Variants in PARD3B observed in about 807,000 individuals in gnomAD.
PARD3B encodes partitioning defective 3 homolog B.
PARD3B carries 103 observed loss-of-function variants against 130.2 expected under a neutral mutation model. The ratio of observed to expected loss-of-function variants is 0.79; its 90% CI spans 0.67 to 0.93. PARD3B has a LOEUF of 0.93. Among genes scored for constraint, PARD3B ranks in the 40% least tolerant of loss-of-function variants. The probability of loss-of-function intolerance (pLI) is 0.00; values close to 1 mark genes in which losing one functional copy is unlikely to be tolerated. For missense variants in PARD3B, 1,609 were observed against 1,499.2 expected (o/e 1.07, Z -1.21); for synonymous variants, 583 against 553.2 (o/e 1.05, Z -0.76).
chr2:204,782,096 C>T (rs2041852914), intron 2 of PARD3B, among the ~76,000 whole-genome samples: 1 of 152,022 alleles, frequency 6.6e-6, no homozygotes, highest in Non-Finnish European at 1.5e-5. Context: ...GAGCTGAGAG[C>T]GTGTTAGGCT....
At chr2:204,766,991 A>ATTTTTTTTTTTTATTT (rs141505640) in intron 2 of PARD3B, among the ~76,000 whole-genome samples, 2 of 98,676 alleles carry the variant, frequency 2.0e-5, no homozygotes, top group Non-Finnish European at 4.1e-5. Context: ...CACATTTTTT[A>ATTTTTTTTTTTTATTT]TTTTATTTTT....
At position 204,887,060 on chromosome 2, in the gene PARD3B, T is replaced by C. The variant is rs2046293326; in HGVS notation, c.223-78092T>C. Among the ~76,000 whole-genome samples, 1 of 152,250 alleles carries C rather than the reference T, an allele frequency of 6.6e-6. No homozygotes were observed. The highest frequency in any genetic ancestry group is 1.5e-5 in the Non-Finnish European group (1 of 68,036). On this transcript the variant is annotated intron_variant, in intron 2 of 22. Transcript: ENST00000406610. The surrounding 1 kb of genome is among the most constrained non-coding windows in gnomAD (Gnocchi z 4.2). Reference sequence around the variant, plus strand: ...GAGGCATTTTTTTAAATCAGTTTTTTTTAATCAGCTTTTAGTTCCATCTGT... The same window carrying C: ...GAGGCATTTTTTTAAATCAGTTTTTCTTAATCAGCTTTTAGTTCCATCTGT...
intron 2 of PARD3B, among the ~76,000 whole-genome samples, chr2:204,926,028 T>C (rs1158740188): frequency 6.6e-6 from 1 of 152,080 alleles, no homozygotes; most frequent in East Asian, 1.9e-4. Context: ...ATTAAACCTC[T>C]TTCCTTTATA....
intron 3 of PARD3B, among the ~76,000 whole-genome samples, chr2:205,002,795 G>T (rs1458432178): frequency 6.6e-6 from 1 of 152,154 alleles, no homozygotes; most frequent in Non-Finnish European, 1.5e-5. Context: ...TTCTTACAAT[G>T]GGCGGATTAT....
At chr2:205,085,712 A>G (rs1701702731) in intron 4 of PARD3B, among the ~76,000 whole-genome samples, 1 of 151,886 alleles carries the variant, frequency 6.6e-6, no homozygotes, top group East Asian at 1.9e-4. Flanking sequence ...TAATTTAGGT[A>G]TTTTCCATCA....
chr2:204,939,596 A>C (rs977711008), intron 2 of PARD3B, among the ~76,000 whole-genome samples: 1 of 152,192 alleles, frequency 6.6e-6, no homozygotes, highest in Non-Finnish European at 1.5e-5. Flanking sequence ...TGGTATGTAC[A>C]TTTCAGGAAT....
intron 2 of PARD3B, among the ~76,000 whole-genome samples, chr2:204,742,842 G>A (rs966523094): frequency 2.0e-5 from 3 of 152,166 alleles, no homozygotes; most frequent in East Asian, 3.9e-4. Flanking sequence ...GATTAAATAT[G>A]GAGGGGGTGT....
chr2:204,997,158 A>G (rs1268801988), intron 3 of PARD3B, among the ~76,000 whole-genome samples: 1 of 152,076 alleles, frequency 6.6e-6, no homozygotes, highest in African/African-American at 2.4e-5. Context: ...TAACTTTATA[A>G]TACTCCGTGA....
At chr2:204,721,193 A>G (rs535416191) in intron 2 of PARD3B, among the ~76,000 whole-genome samples, 2 of 152,110 alleles carry the variant, frequency 1.3e-5, no homozygotes, top group Non-Finnish European at 2.9e-5. Context: ...ATTGAGGGAG[A>G]CAATAAGTAG....
At chr2:204,609,933 AAT>A (rs1436904764) in intron 1 of PARD3B, among the ~76,000 whole-genome samples, 1 of 152,152 alleles carries the variant, frequency 6.6e-6, no homozygotes, top group African/African-American at 2.4e-5. Flanking sequence ...GATATGAAAA[AAT>A]ATATGTCAAA....
chr2:205,569,644 T>C lies in PARD3B; in HGVS notation c.3260+16241T>C, dbSNP rs2053490730. On this transcript the variant is annotated intron_variant, in intron 22 of 22. Coordinates refer to ENST00000406610, the MANE Select transcript of PARD3B (RefSeq NM_001302769.2). ...AATATTGTGGAAGATGTCTGTGTAG[T>C]TCATTGGCACATGTCAACCAGAATC... Among the ~76,000 whole-genome samples, 3 of 152,110 alleles carry C rather than the reference T, an allele frequency of 2.0e-5. No individual in the cohort carries two copies. In the South Asian group the frequency reaches 6.2e-4, roughly 32 times the overall value.
chr2:205,538,067 G>A (rs752106408), intron 21 of PARD3B, among the ~76,000 whole-genome samples: 2 of 152,040 alleles, frequency 1.3e-5, no homozygotes, highest in African/African-American at 2.4e-5. Flanking sequence ...CATTTATTGA[G>A]CATGTGTTAG....
At chr2:205,141,063 A>G (rs1304568037) in intron 10 of PARD3B, among the ~76,000 whole-genome samples, 1 of 152,176 alleles carries the variant, frequency 6.6e-6, no homozygotes, top group East Asian at 1.9e-4. Flanking sequence ...TTAACAAGAA[A>G]ATAATTGGTC....
At chr2:205,606,818 C>T (rs111578695) in intron 22 of PARD3B, among the ~76,000 whole-genome samples, 2,555 of 152,192 alleles carry the variant, frequency 0.017, 32 homozygotes, top group Middle Eastern at 0.031. Flanking sequence ...AGGTTATTTG[C>T]AGAGCAGGTA....
intron 11 of PARD3B, 95 bp from the exon 12 acceptor site, chr2:205,172,116 T>C: frequency 7.7e-7 from 1 of 1,305,538 alleles, no homozygotes. Context: ...TTTTTTTCTT[T>C]TTTTCATTTT....
At chr2:205,543,774 T>C (rs1214166590) in intron 21 of PARD3B, among the ~76,000 whole-genome samples, 5 of 152,202 alleles carry the variant, frequency 3.3e-5, no homozygotes, top group African/African-American at 1.2e-4. Context: ...TCCTTTCTTT[T>C]GGTAATTGTA....
chr2:205,260,572 G>C (rs1343472137), intron 16 of PARD3B, among the ~76,000 whole-genome samples: 1 of 152,118 alleles, frequency 6.6e-6, no homozygotes, highest in African/African-American at 2.4e-5. Flanking sequence ...CTTTTCTTCA[G>C]AGAGGATTTA....
chr2:204,989,658 T>A (rs1330923256), intron 3 of PARD3B, among the ~76,000 whole-genome samples: 8 of 152,126 alleles, frequency 5.3e-5, no homozygotes, highest in Admixed American at 1.3e-4. Context: ...CATATCTCTA[T>A]GGAGTTCATT....
At chr2:205,099,453 T>C (rs925128695) in intron 4 of PARD3B, among the ~76,000 whole-genome samples, 1 of 152,190 alleles carries the variant, frequency 6.6e-6, no homozygotes, top group Non-Finnish European at 1.5e-5. Flanking sequence ...TCAAAGTCAT[T>C]TAAATAAGCA....
Sources: gnomAD v4.1 joint callset for allele counts (sites outside exome capture counted in the v4.1 genomes callset) on GRCh38, gnomAD v4.1.1 for gene constraint, Gnocchi (gnomAD v3.1) non-coding constraint, MANE v1.5 for transcripts, NCBI Gene and HGNC (gene_info 2026-07-23, HGNC 2026-07-21) for gene names.